The following SMAGP variants were observed in gnomAD, a reference collection of about 807,000 sequenced individuals.
SMAGP encodes small cell transmembrane and glycosylated protein.
In SMAGP, 7 loss-of-function variants were observed where a neutral mutation model predicts 10.1. The observed-to-expected ratio is 0.70, with a 90% CI of 0.40 to 1.31. SMAGP has a LOEUF of 1.31. SMAGP is among the 50% of genes most tolerant of loss of function. The pLI, the probability that SMAGP is intolerant of heterozygous loss-of-function variation, is 0.01. For synonymous variants in SMAGP, 49 were observed against 47.2 expected (o/e 1.04, Z -0.16); for missense variants, 113 against 116.5 (o/e 0.97, Z 0.14).
At chr12:51,260,318 G>A (rs1208280306) in intron 2 of SMAGP, among the ~76,000 whole-genome samples, 2 of 149,346 alleles carry the variant, frequency 1.3e-5, no homozygotes, top group African/African-American at 4.9e-5. Flanking sequence ...AACCTCCCAA[G>A]TAGCTGGGAG....
At chr12:51,267,470 C>A (rs952069394) in intron 2 of SMAGP, among the ~76,000 whole-genome samples, 1 of 146,692 alleles carries the variant, frequency 6.8e-6, no homozygotes, top group Non-Finnish European at 1.5e-5. Context: ...ACCTATTCCC[C>A]CCCCCCACTC....
At chr12:51,248,898 CACAAAAAAAA>C (rs1944809936) in intron 2 of SMAGP, among the ~76,000 whole-genome samples, 1 of 53,786 alleles carries the variant, frequency 1.9e-5, no homozygotes, top group African/African-American at 9.6e-5. Context: ...CCAAAAATAC[CACAAAAAAAA>C]AAAAAAAAAA....
intron 2 of SMAGP, among the ~76,000 whole-genome samples, chr12:51,257,765 G>A (rs1245537509): frequency 2.0e-5 from 3 of 151,998 alleles, no homozygotes; most frequent in Admixed American, 1.3e-4. Context: ...GGCTGGTCTC[G>A]AACTCCTGAC....
chr12:51,261,090 TAA>T (rs1565659944), intron 2 of SMAGP, among the ~76,000 whole-genome samples: 1 of 97,420 alleles, frequency 1.0e-5, no homozygotes, highest in Non-Finnish European at 2.3e-5. Context: ...TGCCCAGCCT[TAA>T]TTTTTTTTTT....
At chr12:51,264,566 T>C (rs1456354914) in intron 2 of SMAGP, among the ~76,000 whole-genome samples, 2 of 149,056 alleles carry the variant, frequency 1.3e-5, no homozygotes, top group East Asian at 3.9e-4. Flanking sequence ...TTTGGGTCTG[T>C]AGTGAGCCAG....
chr12:51,254,641 T>C (rs1382595421), intron 2 of SMAGP, among the ~76,000 whole-genome samples: 1 of 152,178 alleles, frequency 6.6e-6, no homozygotes, highest in Admixed American at 6.5e-5. Context: ...GAAAAGAGGA[T>C]GGAAAGCTGG....
intron 2 of SMAGP, among the ~76,000 whole-genome samples, chr12:51,252,683 G>GCC (rs1353120777): frequency 4.0e-5 from 6 of 149,844 alleles, no homozygotes; most frequent in African/African-American, 1.2e-4. Flanking sequence ...GAGCCACATC[G>GCC]CCCCCCGAAG....
At chr12:51,261,219 CCA>C (rs1565659976) in intron 2 of SMAGP, among the ~76,000 whole-genome samples, 2 of 151,136 alleles carry the variant, frequency 1.3e-5, no homozygotes, top group Non-Finnish European at 3.0e-5. Flanking sequence ...CCTCAGCCTC[CCA>C]AGTAGCTGGG....
At chr12:51,256,675 G>A (rs7316812) in intron 2 of SMAGP, among the ~76,000 whole-genome samples, 126,499 of 151,140 alleles carry the variant, frequency 0.84, 53,350 homozygotes, top group Middle Eastern at 0.91. Context: ...AGCTGAGATC[G>A]TGCCATTGCA....
chr12:51,251,882 C>T (rs1237858316), intron 2 of SMAGP, among the ~76,000 whole-genome samples: 1 of 152,122 alleles, frequency 6.6e-6, no homozygotes, highest in East Asian at 1.9e-4. Flanking sequence ...TTAACATGAT[C>T]AGAAGCAAGC....
chr12:51,254,588 T>C (rs897072862), intron 2 of SMAGP, among the ~76,000 whole-genome samples: 1 of 151,980 alleles, frequency 6.6e-6, no homozygotes, highest in Non-Finnish European at 1.5e-5. Flanking sequence ...GTAAAAGATA[T>C]GCTATATTAG....
At chr12:51,254,800 A>G (rs1473968079) in intron 2 of SMAGP, among the ~76,000 whole-genome samples, 1 of 152,130 alleles carries the variant, frequency 6.6e-6, no homozygotes, top group East Asian at 1.9e-4. Context: ...CAGCAAGTTC[A>G]TGGGAGGGCT....
At chr12:51,260,569 A>G (rs1359392322) in intron 2 of SMAGP, among the ~76,000 whole-genome samples, 5 of 149,112 alleles carry the variant, frequency 3.4e-5, no homozygotes, top group East Asian at 4.0e-4. Flanking sequence ...TAGTAGAGAC[A>G]GGGTTTCACC....
At chr12:51,248,430 ACACACTCTCTCTCTCTCTCTCT>A (rs1333725538) in intron 2 of SMAGP, among the ~76,000 whole-genome samples, 134 of 91,522 alleles carry the variant, frequency 1.5e-3, no homozygotes, top group Middle Eastern at 4.5e-3. Context: ...ACACACACAC[ACACACTCTCTCTCTCTCTCTCT>A]CTCTCTCTCT....
In SMAGP at chr12:51,250,500, GT is replaced by G. The variant is rs373705718; in HGVS notation, c.35-3670del. Reference sequence around the variant, plus strand: ...TGAACCTGGTTGTTGTTGTTGTTGTGTTTTTTTTTTGTTTTTTTTTTGTTGT... The same window carrying G: ...TGAACCTGGTTGTTGTTGTTGTTGTGTTTTTTTTTGTTTTTTTTTTGTTGT... On this transcript the variant is annotated intron_variant, in intron 2 of 3. Coordinates refer to ENST00000603798, the MANE Select transcript of SMAGP (RefSeq NM_001031628.2). Among the ~76,000 whole-genome samples the G allele has an allele frequency of 9.2e-3, 810 of 88,054 alleles. 6 individuals carry two copies. The highest frequency in any genetic ancestry group is 0.023 in the African/African-American group (670 of 28,770). The allele number at this position is 88,054 out of a possible 152,430, so 57.8% of individuals were successfully genotyped here. A position where few individuals can be genotyped will look rare whatever the true frequency, so the allele number is the denominator to read the frequency against.
chr12:51,268,586 T>TCCTCCCTCCTCCCTCCCTC (rs57975745), intron 2 of SMAGP, among the ~76,000 whole-genome samples: 1 of 138,008 alleles, frequency 7.2e-6, no homozygotes, highest in Non-Finnish European at 1.5e-5. Context: ...TCCTTTCCTT[T>TCCTCCCTCCTCCCTCCCTC]CCTCCCTCCC....
intron 2 of SMAGP, among the ~76,000 whole-genome samples, chr12:51,259,075 G>A (rs1469971001): frequency 6.6e-6 from 1 of 151,888 alleles, no homozygotes; most frequent in Non-Finnish European, 1.5e-5. Context: ...TTGAGGCTGC[G>A]GTGAGCCATG....
At chr12:51,251,070 A>C (rs1368964503) in intron 2 of SMAGP, among the ~76,000 whole-genome samples, 2 of 152,184 alleles carry the variant, frequency 1.3e-5, no homozygotes, top group Admixed American at 1.3e-4. Context: ...TGTACAAAGC[A>C]TTGAGAAGAT....
intron 2 of SMAGP, among the ~76,000 whole-genome samples, chr12:51,259,446 G>A (rs1320950320): frequency 2.0e-5 from 3 of 152,062 alleles, no homozygotes; most frequent in Non-Finnish European, 4.4e-5. Context: ...CAAAGCTAGA[G>A]GGGCAACTAG....
Sources: allele counts gnomAD v4.1 joint callset (sites outside exome capture counted in the v4.1 genomes callset), GRCh38; gene constraint gnomAD v4.1.1; transcripts MANE v1.5; gene names NCBI Gene and HGNC (gene_info 2026-07-23, HGNC 2026-07-21).